Variants in UTRN observed in about 807,000 individuals in gnomAD.
UTRN encodes dystrophin-related protein 1.
A neutral mutation model predicts 463.9 loss-of-function variants in UTRN; 283 were observed. That is an observed-to-expected ratio of 0.61 (90% CI 0.55 to 0.67). The LOEUF (loss-of-function observed/expected upper bound fraction) is 0.67. UTRN is among the 30% of genes least tolerant of loss of function. The pLI is 0.00. For missense variants in UTRN, 3,922 were observed against 4,084.3 expected (o/e 0.96, Z 1.08); for synonymous variants, 1,442 against 1,431.5 (o/e 1.01, Z -0.17).
chr6:144,673,494 T>C (rs1781264866), intron 51 of UTRN, among the ~76,000 whole-genome samples: 1 of 152,132 alleles, frequency 6.6e-6, no homozygotes, highest in Admixed American at 6.5e-5. Flanking sequence ...TTGCATGTAA[T>C]ATCTTTTTGT....
Position 144,852,511 on chromosome 6 carries a change from G to A in UTRN, c.*1514G>A, listed in dbSNP as rs1369916103. 6.6e-6 allele frequency: 1 copy of A among 152,502 alleles called. No homozygotes were observed. Among genetic ancestry groups the A allele is most frequent in the African/African-American group, 2.4e-5 (1 of 41,416 alleles). The allele number at this position is 152,502 out of a possible 1,614,324, so 9.4% of individuals were successfully genotyped here. A position where few individuals can be genotyped will look rare whatever the true frequency, so the allele number is the denominator to read the frequency against. On this transcript the variant is annotated 3_prime_UTR_variant, in exon 75 of 75. Transcript: ENST00000367545. ...TATTTTAGAATAGGTTGGGTGGGTT[G>A]GGGGGCAAGGGTGTCTATTTGCAGC...
At chr6:144,349,167 C>A (rs1329643538) in intron 2 of UTRN, among the ~76,000 whole-genome samples, 2 of 152,280 alleles carry the variant, frequency 1.3e-5, no homozygotes, top group African/African-American at 4.8e-5. Context: ...CGCCATCACG[C>A]CCGGCTAATT....
intron 51 of UTRN, among the ~76,000 whole-genome samples, chr6:144,658,550 C>CA (rs1779558819): frequency 6.6e-6 from 1 of 151,912 alleles, no homozygotes; most frequent in South Asian, 2.1e-4. Context: ...TTCCCCCCCC[C>CA]ACTTTGGTCT....
At chr6:144,469,453 T>C (rs1204627641) in intron 23 of UTRN, among the ~76,000 whole-genome samples, 1 of 152,164 alleles carries the variant, frequency 6.6e-6, no homozygotes. Flanking sequence ...TCACAATGAG[T>C]TATTAAGGCT....
intron 71 of UTRN, chr6:144,837,158 T>TCCTC (rs1781173432): frequency 1.3e-5 from 2 of 152,964 alleles, no homozygotes; most frequent in African/African-American, 4.8e-5. Context: ...TTCCCTTTCT[T>TCCTC]CCTCCCTCCC....
At chr6:144,451,307 C>T (rs1262688307) in intron 17 of UTRN, 63 bp from the exon 18 acceptor site, 2 of 1,556,270 alleles carry the variant, frequency 1.3e-6, no homozygotes, top group Non-Finnish European at 8.7e-7. Flanking sequence ...GTTGCTCTTT[C>T]TGGAGTCAAG....
intron 18 of UTRN, among the ~76,000 whole-genome samples, chr6:144,451,825 T>A (rs932289005): frequency 6.6e-6 from 1 of 152,222 alleles, no homozygotes; most frequent in African/African-American, 2.4e-5. Flanking sequence ...GACTCTATAT[T>A]AACATTATGC....
At chr6:144,782,533 A>G (rs566007367) in intron 61 of UTRN, among the ~76,000 whole-genome samples, 1 of 152,062 alleles carries the variant, frequency 6.6e-6, no homozygotes, top group East Asian at 1.9e-4. Context: ...CTGCTCTACA[A>G]TCTTTGTAAT....
At chr6:144,474,572 A>G in intron 24 of UTRN, 32 bp from the exon 25 acceptor site, 1 of 1,592,628 alleles carries the variant, frequency 6.3e-7, no homozygotes, top group Non-Finnish European at 8.5e-7. Flanking sequence ...TTATATAGTA[A>G]TGAACTCAAC....
At chr6:144,697,858 A>G (rs187408329) in intron 52 of UTRN, among the ~76,000 whole-genome samples, 5 of 152,346 alleles carry the variant, frequency 3.3e-5, no homozygotes, top group Non-Finnish European at 5.9e-5. Flanking sequence ...GTGCATTTCA[A>G]TACAATAAGT....
chr6:144,699,368 A>C (rs2128697045), intron 52 of UTRN, among the ~76,000 whole-genome samples: 1 of 150,346 alleles, frequency 6.7e-6, no homozygotes, highest in Non-Finnish European at 1.5e-5. Context: ...TGAACCCAGG[A>C]GGCAGAGGTC....
chr6:144,684,608 C>T (rs550198555), intron 52 of UTRN, among the ~76,000 whole-genome samples: 2 of 152,202 alleles, frequency 1.3e-5, no homozygotes, highest in East Asian at 3.9e-4. Context: ...TATTTTATTA[C>T]ATTCGACCTG....
intron 7 of UTRN, among the ~76,000 whole-genome samples, chr6:144,427,253 T>C (rs544485592): frequency 6.6e-6 from 1 of 152,254 alleles, no homozygotes; most frequent in Middle Eastern, 3.4e-3. Context: ...AAAAAAATAA[T>C]AATTTCTACA....
At position 144,539,319 on chromosome 6, in the gene UTRN, A is replaced by G. The variant is rs776610471; in HGVS notation, c.6395A>G (p.His2132Arg). The change falls in exon 45 of 75, where the codon CAT (histidine) becomes CGT (arginine). Residue 2132 changes from histidine to arginine, a missense_variant. By Grantham distance (29) the His-to-Arg change is conservative. Coordinates refer to ENST00000367545, the MANE Select transcript of UTRN (RefSeq NM_007124.3). Reference protein sequence around the residue: ...LRDLTQEMEVHAEKLKWLNRT... With the variant: ...LRDLTQEMEVRAEKLKWLNRT... ...GACTTAACTCAAGAAATGGAAGTAC[A>G]TGCTGAAAAACTCAAATGGCTGAAT... is the stretch of plus-strand genomic sequence containing the variant. 11 of 1,612,640 alleles carry G rather than the reference A, an allele frequency of 6.8e-6. No homozygotes were observed. The South Asian group carries it at 7.7e-5, about 11-fold the overall frequency.
chr6:144,339,315 G>A (rs1776958529), intron 2 of UTRN, among the ~76,000 whole-genome samples: 1 of 152,166 alleles, frequency 6.6e-6, no homozygotes, highest in South Asian at 2.1e-4. Context: ...CATTAGATAG[G>A]CATGATTCAT....
chr6:144,576,513 T>C (rs181267549), intron 50 of UTRN, among the ~76,000 whole-genome samples: 1 of 152,300 alleles, frequency 6.6e-6, no homozygotes, highest in East Asian at 1.9e-4. Context: ...ATATGAATTG[T>C]TTAAAATATA....
At chr6:144,570,195 T>C (rs1800809470) in intron 50 of UTRN, among the ~76,000 whole-genome samples, 1 of 151,852 alleles carries the variant, frequency 6.6e-6, no homozygotes, top group Non-Finnish European at 1.5e-5. Flanking sequence ...GGATGGTCAG[T>C]AGAAGTTAAC....
chr6:144,447,922 C>A, intron 16 of UTRN, 141 bp downstream of exon 16: 1 of 696,314 alleles, frequency 1.4e-6, no homozygotes, highest in African/African-American at 1.8e-5. Flanking sequence ...TGAAAATCAC[C>A]TTCAGTTTTC....
In UTRN at chr6:144,491,114, G is replaced by C. The variant is rs200587367; in HGVS notation, c.4437+12G>C. 1.9e-6 allele frequency: 3 copies of C among 1,586,300 alleles called. No homozygotes were observed. Among genetic ancestry groups the C allele is most frequent in the African/African-American group, 1.3e-5 (1 of 74,192 alleles). ...TGGACAAGTGTATGGTGAGGCTTTT[G>C]GGTGATTGGCACATCCAGTGGCTTT... On this transcript the variant is annotated intron_variant, in intron 32 of 74. Transcript: ENST00000367545.
Sources: gnomAD v4.1 joint callset for allele counts (sites outside exome capture counted in the v4.1 genomes callset) on GRCh38, gnomAD v4.1.1 for gene constraint, MANE v1.5 for transcripts, NCBI Gene and HGNC (gene_info 2026-07-23, HGNC 2026-07-21) for gene names.